The following KCNG2 variants were observed in gnomAD, a reference collection of about 807,000 sequenced individuals.
The protein encoded by KCNG2 is potassium voltage-gated channel modifier subfamily G member 2, also known as voltage-gated potassium channel regulatory subunit KCNG2.
Under a neutral mutation model 12.3 loss-of-function variants are expected in KCNG2, and 7 were observed. That is an observed-to-expected ratio of 0.57 (90% confidence interval 0.32 to 1.07). The LOEUF (loss-of-function observed/expected upper bound fraction) is 1.07. KCNG2 is among the 50% of genes least tolerant of loss of function. The probability of loss-of-function intolerance (pLI) is 0.04; values close to 1 mark genes in which losing one functional copy is unlikely to be tolerated. For missense variants in KCNG2, 703 were observed against 726.0 expected, an observed-to-expected ratio of 0.97 and a Z score of 0.36; for synonymous variants, 414 against 351.4, an observed-to-expected ratio of 1.18 and a Z score of -1.99.
At chr18:79,875,672 G>A (rs1178213184) in intron 3 of KCNG2, among the ~76,000 whole-genome samples, 1 of 152,212 alleles carries the variant, frequency 6.6e-6, no homozygotes, top group Non-Finnish European at 1.5e-5. Context: ...GGGGACAGCG[G>A]TCCTGAGTCG....
chr18:79,834,967 C>T (rs1978315757), intron 1 of KCNG2, among the ~76,000 whole-genome samples: 1 of 152,194 alleles, frequency 6.6e-6, no homozygotes, highest in African/African-American at 2.4e-5. Context: ...CTAACAGAAC[C>T]GTCTGTGCCA....
At position 79,803,559 on chromosome 18, in the gene KCNG2, G is replaced by C. The variant is rs1186592305; in HGVS notation, c.-115+5545G>C. On this transcript the variant is annotated intron_variant, in intron 1 of 3. Coordinates refer to ENST00000316249, the MANE Select transcript of KCNG2 (RefSeq NM_012283.2). This position sits in a 1 kb window ranked among gnomAD's most constrained non-coding sequence, Gnocchi z 4.5. ...GTGTGCAGTGCTGGGGACCGACGAGGGGGCCTGTGATTCTGGGGGCTCCGA... is the reference window on the plus strand; with the variant it reads ...GTGTGCAGTGCTGGGGACCGACGAGCGGGCCTGTGATTCTGGGGGCTCCGA... 6.6e-6 allele frequency among the ~76,000 whole-genome samples: 1 copy of C among 152,210 alleles called. No homozygotes were observed. Among genetic ancestry groups the C allele is most frequent in the Non-Finnish European group, 1.5e-5 (1 of 68,034 alleles).
chr18:79,873,168 G>A (rs1250195722), intron 3 of KCNG2, among the ~76,000 whole-genome samples: 2 of 152,160 alleles, frequency 1.3e-5, no homozygotes, highest in Non-Finnish European at 2.9e-5. Context: ...TTCTTGCTTT[G>A]GGCCTCGGTC....
intron 3 of KCNG2, among the ~76,000 whole-genome samples, chr18:79,895,803 T>C (rs2123134659): frequency 6.6e-6 from 1 of 152,132 alleles, no homozygotes; most frequent in East Asian, 1.9e-4. Context: ...TCCATTCACA[T>C]CTACTGTTTT....
intron 3 of KCNG2, among the ~76,000 whole-genome samples, chr18:79,898,114 A>G (rs922689686): frequency 2.0e-5 from 3 of 151,202 alleles, no homozygotes; most frequent in African/African-American, 7.3e-5. Flanking sequence ...TCCCTTCACC[A>G]CCACCTCCAA....
intron 3 of KCNG2, among the ~76,000 whole-genome samples, chr18:79,879,645 C>T (rs1980217219): frequency 6.6e-6 from 1 of 152,124 alleles, no homozygotes; most frequent in African/African-American, 2.4e-5. Context: ...GGAGGTTAAT[C>T]CAGAAGTCCC....
intron 1 of KCNG2, among the ~76,000 whole-genome samples, chr18:79,820,368 T>C (rs762519510): frequency 9.2e-5 from 14 of 152,206 alleles, no homozygotes; most frequent in Non-Finnish European, 1.8e-4. Flanking sequence ...GCTTAACTTT[T>C]AGAGAGTCTG....
chr18:79,899,300 G>A lies in KCNG2; in HGVS notation c.885G>A (p.Val295=), dbSNP rs1169316584. The A allele has an allele frequency of 6.4e-7, 1 of 1,565,424 alleles. No homozygotes were observed. The highest frequency in any genetic ancestry group is 8.6e-7 in the Non-Finnish European group (1 of 1,165,074). Residue 295 remains valine (V), a synonymous_variant, in exon 4 of 4, where the codon GTG becomes GTA. Transcript: ENST00000316249. ...TGCGGCTGCTGCGTGCGCTGCGCGT[G>A]CTCTACGTGATGCGCCTGGCGCGCC... ...LVLRLLRALR[V]LYVMRLARHS... is the part of the protein sequence containing the mutation.
intron 1 of KCNG2, among the ~76,000 whole-genome samples, chr18:79,836,249 A>C (rs1490990562): frequency 6.6e-6 from 1 of 152,256 alleles, no homozygotes; most frequent in Admixed American, 6.5e-5. Flanking sequence ...TTGATAAGGT[A>C]GACTTCAAGG....
intron 3 of KCNG2, among the ~76,000 whole-genome samples, chr18:79,889,345 T>C (rs2123123029): frequency 6.6e-6 from 1 of 152,366 alleles, no homozygotes; most frequent in East Asian, 1.9e-4. Flanking sequence ...CTCAGCTGGA[T>C]TCCTTTGTGT....
chr18:79,842,346 G>A (rs192658241), intron 1 of KCNG2, among the ~76,000 whole-genome samples: 394 of 152,314 alleles, frequency 2.6e-3, no homozygotes, highest in African/African-American at 9.0e-3. Context: ...TCTCTGGGTG[G>A]GCTGACTGAT....
At chr18:79,866,931 G>A (rs1444932276) in intron 3 of KCNG2, among the ~76,000 whole-genome samples, 1 of 148,234 alleles carries the variant, frequency 6.7e-6, no homozygotes, top group Non-Finnish European at 1.5e-5. Flanking sequence ...GGGTGCTGAG[G>A]TCTGGGTGCT....
At chr18:79,887,192 GAT>G (rs1332379947) in intron 3 of KCNG2, among the ~76,000 whole-genome samples, 5 of 141,280 alleles carry the variant, frequency 3.5e-5, no homozygotes, top group African/African-American at 1.6e-4. Flanking sequence ...ACACAGGACA[GAT>G]GGGGACAGGG....
At chr18:79,807,765 C>T (rs140504125) in intron 1 of KCNG2, among the ~76,000 whole-genome samples, 34,583 of 126,142 alleles carry the variant, frequency 0.27, 3,461 homozygotes, top group South Asian at 0.36. Flanking sequence ...GAGTCCTCGC[C>T]CTGAGGAGCT....
intron 1 of KCNG2, among the ~76,000 whole-genome samples, chr18:79,809,769 G>A: frequency 6.6e-6 from 1 of 152,250 alleles, no homozygotes; most frequent in East Asian, 1.9e-4. Flanking sequence ...GGATGCTGCA[G>A]CCCAGGCGTC....
intron 2 of KCNG2, among the ~76,000 whole-genome samples, 119 bp downstream of exon 2, chr18:79,856,571 T>A (rs1300294373): frequency 6.6e-6 from 1 of 152,108 alleles, no homozygotes; most frequent in Non-Finnish European, 1.5e-5. Context: ...ATGGTAAAGC[T>A]GAGACTCTGG....
At chr18:79,851,731 ATG>A (rs1347254604) in intron 1 of KCNG2, among the ~76,000 whole-genome samples, 1 of 147,500 alleles carries the variant, frequency 6.8e-6, no homozygotes, top group Non-Finnish European at 1.5e-5. Flanking sequence ...ATGTGTGTGA[ATG>A]TGTATGCCTG....
At chr18:79,875,660 T>C (rs529471995) in intron 3 of KCNG2, among the ~76,000 whole-genome samples, 1 of 152,090 alleles carries the variant, frequency 6.6e-6, no homozygotes, top group African/African-American at 2.4e-5. Context: ...TGGCACGGGG[T>C]TGGGGACAGC....
chr18:79,831,780 A>G (rs918517845), intron 1 of KCNG2, among the ~76,000 whole-genome samples: 1 of 152,140 alleles, frequency 6.6e-6, no homozygotes, highest in African/African-American at 2.4e-5. Context: ...TTCCCTTCAT[A>G]CAGAGCCTTT....
Sources: allele counts gnomAD v4.1 joint callset (sites outside exome capture counted in the v4.1 genomes callset), GRCh38; gene constraint gnomAD v4.1.1; non-coding constraint Gnocchi (gnomAD v3.1); transcripts MANE v1.5; gene names NCBI Gene and HGNC (gene_info 2026-07-23, HGNC 2026-07-21).